DACH1: variants seen among roughly 807,000 people sequenced by gnomAD.
DACH1 encodes the protein dachshund family transcription factor 1, also known as dachshund homolog 1.
DACH1 carries 12 observed loss-of-function variants against 54.2 expected under a neutral mutation model. The observed-to-expected ratio is 0.22, with a 90% CI of 0.14 to 0.36. The LOEUF is 0.36. Ranked by LOEUF, DACH1 falls within the 10% of genes least tolerant of loss-of-function variation. The pLI, the probability that DACH1 is intolerant of heterozygous loss-of-function variation, is 1.00. For missense variants in DACH1, 805 were observed against 929.8 expected (o/e 0.87, Z 1.75); for synonymous variants, 386 against 366.2 (o/e 1.05, Z -0.62).
At chr13:71,469,788 A>T (rs1447856045) in intron 10 of DACH1, among the ~76,000 whole-genome samples, 1 of 152,236 alleles carries the variant, frequency 6.6e-6, no homozygotes, top group Non-Finnish European at 1.5e-5. Context: ...AACAGAAAGA[A>T]GATATTTTTA....
At chr13:71,684,562 G>T (rs1881065737) in intron 1 of DACH1, among the ~76,000 whole-genome samples, 2 of 151,956 alleles carry the variant, frequency 1.3e-5, no homozygotes, top group Admixed American at 6.6e-5. Context: ...GACTAAACCT[G>T]CCTAAACTTT....
chr13:71,686,808 A>G (rs187468784), intron 1 of DACH1, among the ~76,000 whole-genome samples: 84 of 152,144 alleles, frequency 5.5e-4, no homozygotes, highest in Non-Finnish European at 1.0e-3. Context: ...TTTTAAGTCC[A>G]AATCCTACCT....
At chr13:71,581,359 G>A (rs1240946495) in intron 3 of DACH1, among the ~76,000 whole-genome samples, 2 of 152,090 alleles carry the variant, frequency 1.3e-5, no homozygotes, top group African/African-American at 2.4e-5. Context: ...CTGCCTCCTG[G>A]GTTCAAGCGA....
At chr13:71,730,650 CTCT>C (rs1883700470) in intron 1 of DACH1, among the ~76,000 whole-genome samples, 1 of 152,144 alleles carries the variant, frequency 6.6e-6, no homozygotes, top group African/African-American at 2.4e-5. Flanking sequence ...CAAACACACA[CTCT>C]TCATTATTTG....
chr13:71,456,793 C>G (rs183355036), intron 10 of DACH1, among the ~76,000 whole-genome samples: 138 of 152,138 alleles, frequency 9.1e-4, no homozygotes, highest in Non-Finnish European at 1.4e-3. Context: ...GTTTCCCCGT[C>G]AGGTTTTGGT....
intron 1 of DACH1, among the ~76,000 whole-genome samples, chr13:71,729,526 C>T (rs1033661922): frequency 5.3e-5 from 8 of 151,998 alleles, no homozygotes; most frequent in African/African-American, 1.9e-4. Flanking sequence ...TAAAATGAAG[C>T]TATCACAAAA....
chr13:71,678,716 G>A (rs1006637474), intron 2 of DACH1, among the ~76,000 whole-genome samples: 1 of 151,374 alleles, frequency 6.6e-6, no homozygotes, highest in South Asian at 2.1e-4. Context: ...GAATGCAGTG[G>A]TACAATCATA....
chr13:71,817,255 G>A (rs1266707910), intron 1 of DACH1, among the ~76,000 whole-genome samples: 1 of 152,158 alleles, frequency 6.6e-6, no homozygotes, highest in Non-Finnish European at 1.5e-5. Context: ...GCACAGATCA[G>A]TGGAACTGTC....
intron 1 of DACH1, among the ~76,000 whole-genome samples, chr13:71,800,809 C>T (rs1199044284): frequency 2.0e-5 from 3 of 151,978 alleles, no homozygotes; most frequent in Admixed American, 6.6e-5. Context: ...CCTCAGATAT[C>T]GCTCTTTGAT....
rs564224541 is a variant in DACH1, at chr13:71,544,372, G to T, written c.1570+12652C>A. The stretch of plus-strand genomic sequence containing the variant: ...TTTTATTCAAAAACTTCTCAGTATG[G>T]TTTGAAAATACAACAATGTCCTACG... On this transcript the variant is annotated intron_variant, in intron 6 of 10. Transcript: ENST00000613252. Among the ~76,000 whole-genome samples, 11 of 152,180 alleles carry T rather than the reference G, an allele frequency of 7.2e-5. No homozygotes were observed. The East Asian group carries it at 2.1e-3, about 29-fold the overall frequency.
At chr13:71,597,985 T>A (rs1178158951) in intron 3 of DACH1, among the ~76,000 whole-genome samples, 1 of 145,722 alleles carries the variant, frequency 6.9e-6, no homozygotes, top group Non-Finnish European at 1.5e-5. Flanking sequence ...GAGGCTGAGG[T>A]GGGAGGATTG....
intron 1 of DACH1, among the ~76,000 whole-genome samples, chr13:71,861,907 CAAAAA>C (rs71126514): frequency 2.3e-4 from 20 of 86,478 alleles, no homozygotes; most frequent in Middle Eastern, 8.9e-3. Context: ...AACTCCTAAC[CAAAAA>C]AAAAAAAAAA....
At chr13:71,455,566 A>T (rs73213382) in intron 10 of DACH1, among the ~76,000 whole-genome samples, 385 of 152,282 alleles carry the variant, frequency 2.5e-3, no homozygotes, top group Non-Finnish European at 2.7e-3. Flanking sequence ...CAGATCAAAA[A>T]TATCTCAGAA....
intron 6 of DACH1, among the ~76,000 whole-genome samples, chr13:71,527,026 TTAA>T (rs1296522039): frequency 1.3e-5 from 2 of 151,898 alleles, no homozygotes; most frequent in African/African-American, 2.4e-5. Flanking sequence ...CTTGCAATTA[TTAA>T]TACTTCTAAA....
chr13:71,826,970 T>C (rs929301597), intron 1 of DACH1, among the ~76,000 whole-genome samples: 1 of 152,102 alleles, frequency 6.6e-6, no homozygotes, highest in Non-Finnish European at 1.5e-5. Flanking sequence ...AGGATTTTCC[T>C]AAGACATTCA....
intron 1 of DACH1, among the ~76,000 whole-genome samples, chr13:71,731,384 C>T (rs186136266): frequency 6.6e-6 from 1 of 151,526 alleles, no homozygotes; most frequent in African/African-American, 2.4e-5. Flanking sequence ...CTCCACCTCC[C>T]GGGTTCATGC....
chr13:71,563,676 T>C (rs1417671772), intron 4 of DACH1, among the ~76,000 whole-genome samples: 2 of 151,772 alleles, frequency 1.3e-5, no homozygotes, highest in African/African-American at 2.4e-5. Flanking sequence ...ATAAATTAGA[T>C]TGAAATCTTT....
intron 6 of DACH1, among the ~76,000 whole-genome samples, chr13:71,533,323 A>T (rs553601440): frequency 6.6e-6 from 1 of 152,080 alleles, no homozygotes; most frequent in South Asian, 2.1e-4. Context: ...AAGTTTCATA[A>T]GTAATTCCTC....
At chr13:71,842,192 G>A (rs1872912816) in intron 1 of DACH1, among the ~76,000 whole-genome samples, 1 of 152,170 alleles carries the variant, frequency 6.6e-6, no homozygotes, top group Non-Finnish European at 1.5e-5. Context: ...AGGATTAAGT[G>A]AGATAAGAAA....
Sources: gnomAD v4.1 joint callset for allele counts (sites outside exome capture counted in the v4.1 genomes callset) on GRCh38, gnomAD v4.1.1 for gene constraint, MANE v1.5 for transcripts, NCBI Gene and HGNC (gene_info 2026-07-23, HGNC 2026-07-21) for gene names.